SMIM22: variants seen among roughly 807,000 people sequenced by gnomAD.
SMIM22 encodes the protein small integral membrane protein 22, also known as cancer associated small integral membrane open reading frame 1.
In SMIM22, 16 loss-of-function variants were observed where a neutral mutation model predicts 8.4. The ratio of observed to expected loss-of-function variants is 1.90; its 90% CI spans 1.29 to 2.89. The LOEUF is 2.89. SMIM22 is among the 30% of genes most tolerant of loss of function. The pLI is 0.00. For missense variants in SMIM22, 159 were observed against 107.5 expected, an observed-to-expected ratio of 1.48 and a Z score of -2.12; for synonymous variants, 67 against 47.6, an observed-to-expected ratio of 1.41 and a Z score of -1.68.
At chr16:4,794,414 G>C (rs1247754806), upstream of SMIM22, among the ~76,000 whole-genome samples, 7 of 144,458 alleles carry the variant, frequency 4.8e-5, no homozygotes, top group African/African-American at 1.5e-4. Flanking sequence ...ACCAATTTTT[G>C]TATTTTTATC....
intron 2 of SMIM22, chr16:4,789,884 TTTTC>T (rs1567580202): frequency 6.6e-6 from 1 of 152,032 alleles, no homozygotes; most frequent in African/African-American, 2.4e-5. Flanking sequence ...TCTCTTTCTT[TTTTC>T]TTTCTTTTCT....
upstream of SMIM22, among the ~76,000 whole-genome samples, chr16:4,793,184 G>C (rs565428394): frequency 2.0e-5 from 3 of 151,766 alleles, no homozygotes; most frequent in Non-Finnish European, 2.9e-5. Context: ...GAAGCAGAGG[G>C]TGGAGGGATG....
upstream of SMIM22, among the ~76,000 whole-genome samples, chr16:4,792,544 G>A (rs891372414): frequency 2.7e-5 from 4 of 148,460 alleles, no homozygotes; most frequent in African/African-American, 7.4e-5. Context: ...GATCATGCCT[G>A]TAATCCCAGC....
chr16:4,791,499 A>G (rs138313837), upstream of SMIM22, among the ~76,000 whole-genome samples: 417 of 152,166 alleles, frequency 2.7e-3, 1 homozygote, highest in Non-Finnish European at 4.0e-3. Context: ...CTATTAACAT[A>G]CCCATTTTAC....
At chr16:4,794,628 C>A (rs1234818810), upstream of SMIM22, among the ~76,000 whole-genome samples, 1 of 152,140 alleles carries the variant, frequency 6.6e-6, no homozygotes. Flanking sequence ...CCACGTTGGT[C>A]AGTCAGGCTG....
At chr16:4,790,826 AT>A (rs1347813067), upstream of SMIM22, among the ~76,000 whole-genome samples, 1 of 152,188 alleles carries the variant, frequency 6.6e-6, no homozygotes, top group African/African-American at 2.4e-5. Flanking sequence ...AAGTAAATAA[AT>A]AAAGGCTTAG....
chr16:4,791,249 A>C (rs531438012), upstream of SMIM22, among the ~76,000 whole-genome samples: 1 of 152,202 alleles, frequency 6.6e-6, no homozygotes, highest in Non-Finnish European at 1.5e-5. Context: ...TGCAGAAAGC[A>C]TGCTGTCATC....
At chr16:4,790,162 C>T (rs1160171869) in intron 2 of SMIM22, 2 of 152,112 alleles carry the variant, frequency 1.3e-5, no homozygotes, top group African/African-American at 4.8e-5. Context: ...GGTCCAGCTG[C>T]CTCAGCCTCC....
upstream of SMIM22, among the ~76,000 whole-genome samples, chr16:4,793,164 C>G (rs545766817): frequency 4.1e-5 from 6 of 147,960 alleles, no homozygotes; most frequent in African/African-American, 1.3e-4. Context: ...GAGGAGGAGA[C>G]GTGAGCCTGG....
chr16:4,795,715 G>A lies in SMIM22; in HGVS notation c.-20G>A, dbSNP rs1401061193. The A allele has an allele frequency of 2.0e-6, 3 of 1,534,782 alleles. No individual in the cohort carries two copies. In the African/African-American group the frequency reaches 4.1e-5, roughly 21 times the overall value. ...TGCAGCCTCTGGGGGACCGGGGCAG[G>A]TGGCACGGTGCACGCCAAGATGGCT... On this transcript the variant is annotated splice_region_variant and 5_prime_UTR_variant, in exon 2 of 4. In the 5' UTR this introduces an upstream ATG that the reference lacks. Transcript: ENST00000586005.
upstream of SMIM22, among the ~76,000 whole-genome samples, chr16:4,792,807 CAAAA>C (rs1247341963): frequency 2.8e-4 from 13 of 47,070 alleles, no homozygotes; most frequent in South Asian, 9.0e-3. Context: ...GACTCCGTCT[CAAAA>C]AAAAAAAAAA....
At chr16:4,793,088 A>G (rs559832073), upstream of SMIM22, among the ~76,000 whole-genome samples, 54 of 150,268 alleles carry the variant, frequency 3.6e-4, no homozygotes, top group Non-Finnish European at 6.7e-4. Flanking sequence ...TAGCCTCAGC[A>G]AAAAGAGCGA....
chr16:4,792,804 T>C (rs1198329731), upstream of SMIM22, among the ~76,000 whole-genome samples: 1 of 111,548 alleles, frequency 9.0e-6, no homozygotes, highest in East Asian at 2.6e-4. Context: ...CAAGACTCCG[T>C]CTCAAAAAAA....
At chr16:4,795,892 C>T (rs542736853) in intron 2 of SMIM22, 34 bp downstream of exon 2, 7 of 1,533,132 alleles carry the variant, frequency 4.6e-6, no homozygotes, top group Admixed American at 2.0e-5. Flanking sequence ...GTCCTCCCAG[C>T]CCCCTGCCCT....
chr16:4,796,074 T>C, intron 3 of SMIM22, 26 bp downstream of exon 3: 1 of 1,533,648 alleles, frequency 6.5e-7, no homozygotes, highest in Non-Finnish European at 8.7e-7. Context: ...CTCTGGGACC[T>C]GCACGGAACT....
At position 4,796,384 on chromosome 16, in the gene SMIM22, C is replaced by T. The variant is rs571945301; in HGVS notation, c.*153C>T. 6.7e-5 allele frequency: 58 copies of T among 861,716 alleles called. No individual in the cohort carries two copies. In the African/African-American group the frequency reaches 9.0e-4, roughly 13 times the overall value. 53.4% of individuals were successfully genotyped at this position (861,716 alleles called of 1,614,324 possible). ...GGCCTCTCCAAGCCTTCAGTCAGCA[C>T]GACTGTGCCAGGTCATCCTCAGTCA... On this transcript the variant is annotated 3_prime_UTR_variant, in exon 4 of 4. Coordinates refer to ENST00000586005, the MANE Select transcript of SMIM22 (RefSeq NM_001253794.2).
chr16:4,790,373 C>A (rs1172589331), upstream of SMIM22, among the ~76,000 whole-genome samples: 2 of 152,288 alleles, frequency 1.3e-5, no homozygotes, highest in Admixed American at 1.3e-4. Context: ...AGAAAGGTGG[C>A]CGTGGTTCCA....
At chr16:4,792,164 T>G (rs1488788602), upstream of SMIM22, among the ~76,000 whole-genome samples, 1 of 151,860 alleles carries the variant, frequency 6.6e-6, no homozygotes, top group Non-Finnish European at 1.5e-5. Flanking sequence ...GGCCAAGAGC[T>G]GGAGCAGGGG....
chr16:4,795,865 G>C lies in SMIM22; in HGVS notation c.124+7G>C, dbSNP rs1309634148. ...GTTTTCCTCACCTTCATGGGTAAGT[G>C]TGGCTGTGGCCTCTGGGTCCTCCCA... On this transcript the variant is annotated splice_region_variant and intron_variant, in intron 2 of 3. Coordinates refer to ENST00000586005, the MANE Select transcript of SMIM22 (RefSeq NM_001253794.2). 6.5e-7 allele frequency: 1 copy of C among 1,535,606 alleles called. No individual in the cohort carries two copies. The highest frequency in any genetic ancestry group is 8.7e-7 in the Non-Finnish European group (1 of 1,146,682).
Sources: gnomAD v4.1 joint callset for allele counts (sites outside exome capture counted in the v4.1 genomes callset) on GRCh38, gnomAD v4.1.1 for gene constraint, MANE v1.5 for transcripts, NCBI Gene and HGNC (gene_info 2026-07-23, HGNC 2026-07-21) for gene names.